Variants in SPTBN1 observed in about 807,000 individuals in gnomAD.
SPTBN1 encodes spectrin beta, non-erythrocytic 1, also known as spectrin beta chain, non-erythrocytic 1.
In SPTBN1, 32 loss-of-function variants were observed where a neutral mutation model predicts 266.4. The observed-to-expected ratio is 0.12, with a 90% CI of 0.09 to 0.16. The LOEUF (loss-of-function observed/expected upper bound fraction) is 0.16. SPTBN1 is among the 10% of genes least tolerant of loss of function. SPTBN1 has a pLI of 1.00. For synonymous variants in SPTBN1, 1,336 were observed against 1,162.2 expected, an observed-to-expected ratio of 1.15 and a Z score of -3.04; for missense variants, 2,296 against 3,067.1, an observed-to-expected ratio of 0.75 and a Z score of 5.94.
intron 2 of SPTBN1, among the ~76,000 whole-genome samples, chr2:54,581,779 C>G (rs1485315967): frequency 6.6e-6 from 1 of 151,996 alleles, no homozygotes; most frequent in Non-Finnish European, 1.5e-5. Context: ...TTCATTAATC[C>G]TAAGCATCTG....
Position 54,618,123 on chromosome 2 carries a change from C to T in SPTBN1, c.693C>T (p.His231=). 2 of 1,614,206 alleles carry T rather than the reference C, an allele frequency of 1.2e-6. No homozygotes were observed. Among genetic ancestry groups the T allele is most frequent in the Non-Finnish European group, 1.7e-6 (2 of 1,180,026 alleles). ...DFDKLKKSNA[H]YNLQNAFNLA... is the part of the protein sequence containing the mutation. ...ACAAACTAAAGAAATCTAACGCACA[C>T]TACAACCTGCAGAATGCATTTAATC... is the stretch of plus-strand genomic sequence containing the variant. The change falls in exon 7 of 36, where the codon CAC becomes CAT. Residue 231 remains histidine, a synonymous_variant. Coordinates refer to ENST00000356805, the MANE Select transcript of SPTBN1 (RefSeq NM_003128.3).
At position 54,671,261 on chromosome 2, in the gene SPTBN1, GCTT is replaced by G. The variant is rs749598766; in HGVS notation, c.*2696_*2698del. On this transcript the variant is annotated 3_prime_UTR_variant, in exon 36 of 36. Coordinates refer to ENST00000356805, the MANE Select transcript of SPTBN1 (RefSeq NM_003128.3). ...GTGTACCGAGAGTGCCAGTGACTGT[GCTT>G]CTTACAATTCCTGGCATCTTGAGTA... 6.5e-6 allele frequency: 1 copy of G among 153,688 alleles called. No individual in the cohort carries two copies. Among genetic ancestry groups the G allele is most frequent in the Non-Finnish European group, 1.4e-5 (1 of 69,060 alleles). 9.5% of individuals were successfully genotyped at this position (153,688 alleles called of 1,614,324 possible).
chr2:54,620,311 A>C (rs1287952152), intron 7 of SPTBN1, among the ~76,000 whole-genome samples: 1 of 152,242 alleles, frequency 6.6e-6, no homozygotes, highest in Admixed American at 6.5e-5. Flanking sequence ...GGGAGACAAT[A>C]ATGTCAGCTG....
chr2:54,633,503 T>C (rs1158800912), intron 17 of SPTBN1, among the ~76,000 whole-genome samples: 1 of 152,156 alleles, frequency 6.6e-6, no homozygotes. Flanking sequence ...ACCCTAACTC[T>C]TTGACTCACT....
intron 3 of SPTBN1, among the ~76,000 whole-genome samples, 166 bp from the exon 4 acceptor site, chr2:54,611,995 G>A (rs1025241800): frequency 2.0e-5 from 3 of 152,138 alleles, no homozygotes; most frequent in African/African-American, 4.8e-5. Flanking sequence ...TTCTGTGGCC[G>A]TTAGGTAAAT....
chr2:54,631,415 A>T lies in SPTBN1; in HGVS notation c.3368A>T (p.Asp1123Val). 6.2e-7 allele frequency: 1 copy of T among 1,614,258 alleles called. No individual in the cohort carries two copies. Residue 1123 changes from aspartate (D) to valine (V), a missense_variant, in exon 16 of 36, where the codon GAC (aspartate) becomes GTC (valine). By Grantham distance (152) the Asp-to-Val change is radical. Around this residue, in one of 12 missense-constraint regions of SPTBN1, gnomAD observed 386 missense variants for 486.1 expected, o/e 0.79. Coordinates refer to ENST00000356805, the MANE Select transcript of SPTBN1 (RefSeq NM_003128.3). ...NYEEDYQKMR[D>V]MGEMVTQGQT... ...GAGGAGGACTACCAGAAGATGAGGG[A>T]CATGGGCGAGATGGTCACCCAGGGG...
intron 12 of SPTBN1, among the ~76,000 whole-genome samples, chr2:54,627,370 G>A (rs1189552577): frequency 6.6e-6 from 1 of 152,194 alleles, no homozygotes; most frequent in Non-Finnish European, 1.5e-5. Flanking sequence ...CTCATCTGGC[G>A]AGGATGTAGA....
intron 3 of SPTBN1, among the ~76,000 whole-genome samples, chr2:54,611,539 G>GT (rs1558426313): frequency 6.6e-6 from 1 of 151,456 alleles, no homozygotes; most frequent in Non-Finnish European, 1.5e-5. Flanking sequence ...CCTCTTTTAC[G>GT]TTTTGATAAA....
At chr2:54,589,892 G>T (rs541738177) in intron 2 of SPTBN1, among the ~76,000 whole-genome samples, 12 of 152,182 alleles carry the variant, frequency 7.9e-5, no homozygotes, top group African/African-American at 2.9e-4. Context: ...CTTTTGTTTT[G>T]AGTTAAGATC....
chr2:54,605,222 C>G (rs1321676776), intron 3 of SPTBN1, among the ~76,000 whole-genome samples: 1 of 152,142 alleles, frequency 6.6e-6, no homozygotes. Context: ...ATAAAAATAG[C>G]TCTTTAAAAA....
intron 2 of SPTBN1, among the ~76,000 whole-genome samples, chr2:54,543,273 A>C (rs1672040897): frequency 6.6e-6 from 1 of 152,224 alleles, no homozygotes; most frequent in Non-Finnish European, 1.5e-5. Context: ...AATAATGTGG[A>C]AGATTCCTAG....
chr2:54,636,424 ACC>A (rs1679140350), intron 17 of SPTBN1, among the ~76,000 whole-genome samples: 1 of 152,220 alleles, frequency 6.6e-6, no homozygotes, highest in African/African-American at 2.4e-5. Flanking sequence ...AGCCACTGGT[ACC>A]TGCAGGAGCT....
chr2:54,512,344 G>A, intron 1 of SPTBN1, among the ~76,000 whole-genome samples: 1 of 152,176 alleles, frequency 6.6e-6, no homozygotes, highest in East Asian at 1.9e-4. Context: ...GGATTTCTAA[G>A]TAAGTCTGGG....
In SPTBN1 at chr2:54,659,883, C is replaced by T. The variant is rs539107985; in HGVS notation, c.6357-53C>T. On this transcript the variant is annotated intron_variant, in intron 31 of 35. Transcript: ENST00000356805. ...TTCTCCCACCCTTTCTTACTGTTTCCTCTTTCTCCTCTTCTTCCTTTCCCT... is the reference window on the plus strand; with the variant it reads ...TTCTCCCACCCTTTCTTACTGTTTCTTCTTTCTCCTCTTCTTCCTTTCCCT... The T allele has an allele frequency of 5.7e-6, 9 of 1,581,154 alleles. No homozygotes were observed. In the African/African-American group the frequency reaches 1.1e-4, roughly 19 times the overall value.
intron 1 of SPTBN1, among the ~76,000 whole-genome samples, chr2:54,480,901 C>T (rs551903633): frequency 4.6e-5 from 7 of 152,174 alleles, no homozygotes; most frequent in African/African-American, 1.7e-4. Context: ...TAGGAGTTCT[C>T]GGTTTTATAA....
chr2:54,526,391 T>A lies in SPTBN1; in HGVS notation c.-28T>A. ...TCATAGAACTCTAAGAAGGAGCTGA[T>A]GTGGAGGAGCAGCTGAGACAGTTCA... On this transcript the variant is annotated 5_prime_UTR_variant, in exon 2 of 36. It removes an upstream start codon present in the reference 5' UTR. Transcript: ENST00000356805. 1 of 1,611,672 alleles carries A rather than the reference T, an allele frequency of 6.2e-7. No individual in the cohort carries two copies. The highest frequency in any genetic ancestry group is 8.5e-7 in the Non-Finnish European group (1 of 1,178,718).
intron 2 of SPTBN1, chr2:54,545,327 C>T (rs1672178485): frequency 6.6e-6 from 1 of 152,072 alleles, no homozygotes; most frequent in Non-Finnish European, 1.5e-5. Context: ...TTAGTTCAAC[C>T]ATTGTGGAAG....
intron 31 of SPTBN1, among the ~76,000 whole-genome samples, chr2:54,659,597 G>A (rs183467055): frequency 7.6e-6 from 1 of 131,534 alleles, no homozygotes; most frequent in Admixed American, 7.5e-5. Flanking sequence ...TGATTTTGTG[G>A]TGATGCGTTT....
chr2:54,539,368 T>C (rs1671803280), intron 2 of SPTBN1, among the ~76,000 whole-genome samples: 2 of 152,334 alleles, frequency 1.3e-5, no homozygotes, highest in South Asian at 4.1e-4. Context: ...TACATTAAAA[T>C]GCATTATAAA....
Sources: allele counts gnomAD v4.1 joint callset (sites outside exome capture counted in the v4.1 genomes callset), GRCh38; gene constraint gnomAD v4.1.1; regional missense constraint gnomAD v4.1.1; transcripts MANE v1.5; gene names NCBI Gene and HGNC (gene_info 2026-07-23, HGNC 2026-07-21).